ALG8: variants seen among roughly 807,000 people sequenced by gnomAD.
ALG8 encodes the protein ALG8 alpha-1,3-glucosyltransferase.
In ALG8, 48 loss-of-function variants were observed where a neutral mutation model predicts 70.2. The ratio of observed to expected loss-of-function variants is 0.68; its 90% CI spans 0.54 to 0.87. ALG8 has a LOEUF of 0.87. Among genes scored for constraint, ALG8 ranks in the 40% least tolerant of loss-of-function variants. The pLI, the probability that ALG8 is intolerant of heterozygous loss-of-function variation, is 0.00. For synonymous variants in ALG8, 234 were observed against 229.0 expected, an observed-to-expected ratio of 1.02 and a Z score of -0.20; for missense variants, 572 against 608.7, an observed-to-expected ratio of 0.94 and a Z score of 0.64.
rs372467748 is a variant in ALG8 at position 78,107,132 on chromosome 11, A to G, written c.1039-186T>C. Among the ~76,000 whole-genome samples, 11 of 151,354 alleles carry G rather than the reference A, an allele frequency of 7.3e-5. No individual in the cohort carries two copies. The South Asian group carries it at 1.9e-3, about 26-fold the overall frequency. On this transcript the variant is annotated intron_variant, in intron 9 of 12. Transcript: ENST00000299626. ...AAAGTTAACATAAAAGCAACAACTC[A>G]GAAAAAATTGGCATTTGATGTGTAT...
chr11:78,124,250 T>G (rs1860964106), intron 2 of ALG8, 36 bp from the exon 3 acceptor site: 1 of 1,592,726 alleles, frequency 6.3e-7, no homozygotes, highest in East Asian at 2.2e-5. Flanking sequence ...ATATCCTAAA[T>G]AACTGAATAA....
At chr11:78,106,660 T>A in intron 10 of ALG8, 147 bp downstream of exon 10, 1 of 1,032,818 alleles carries the variant, frequency 9.7e-7, no homozygotes, top group Non-Finnish European at 1.5e-6. Context: ...AAGTTAAGCA[T>A]CCCTGTCCTG....
intron 1 of ALG8, chr11:78,138,884 G>A (rs983690777): frequency 1.1e-5 from 5 of 437,306 alleles, no homozygotes; most frequent in Admixed American, 1.0e-4. Context: ...AGCCACAAGG[G>A]GCACTTTCTG....
rs751783361 is a variant in ALG8, at chr11:78,113,961, G to A, written c.702C>T (p.Ser234=). ...PDGSIRWKSF[S]FVRVISLGLV... ...GTCCCAGGGAAATAACACGAACAAA[G>A]CTGAAACTCTTCCATCGAATAGACC... The change falls in exon 7 of 13, where the codon AGC becomes AGT. Residue 234 remains serine (S), a synonymous_variant. Coordinates refer to ENST00000299626, the MANE Select transcript of ALG8 (RefSeq NM_024079.5). 3.7e-6 allele frequency: 6 copies of A among 1,604,238 alleles called. No individual in the cohort carries two copies. Among genetic ancestry groups the A allele is most frequent in the Non-Finnish European group, 5.1e-6 (6 of 1,176,064 alleles).
chr11:78,130,731 G>A (rs1455544539), intron 1 of ALG8, among the ~76,000 whole-genome samples: 3 of 151,968 alleles, frequency 2.0e-5, no homozygotes, highest in African/African-American at 7.2e-5. Context: ...GTCTTCATGA[G>A]GGTCTTTTTT....
At chr11:78,136,927 G>A (rs1408891625) in intron 1 of ALG8, among the ~76,000 whole-genome samples, 2 of 149,760 alleles carry the variant, frequency 1.3e-5, no homozygotes, top group Non-Finnish European at 3.0e-5. Flanking sequence ...TTGAGACAGA[G>A]TTTCACTCTT....
At chr11:78,101,555 G>C (rs539332344) in intron 12 of ALG8, among the ~76,000 whole-genome samples, 15 of 152,202 alleles carry the variant, frequency 9.9e-5, no homozygotes, top group Admixed American at 6.6e-4. Context: ...CTTTAACTGG[G>C]TTGCAGTGAG....
intron 1 of ALG8, among the ~76,000 whole-genome samples, chr11:78,127,707 C>CTTTT (rs1861138948): frequency 7.0e-6 from 1 of 143,318 alleles, no homozygotes; most frequent in Non-Finnish European, 1.5e-5. Context: ...TTCTCTTTTT[C>CTTTT]TTTTCTTTTT....
chr11:78,104,611 G>T, intron 10 of ALG8, 158 bp from the exon 11 acceptor site: 1 of 661,492 alleles, frequency 1.5e-6, no homozygotes, highest in Non-Finnish European at 2.5e-6. Flanking sequence ...TAATTTTTTA[G>T]TAGGAAATTT....
chr11:78,101,486 G>A (rs946497695), intron 12 of ALG8, among the ~76,000 whole-genome samples: 9 of 152,164 alleles, frequency 5.9e-5, no homozygotes, highest in South Asian at 4.1e-4. Context: ...AAAATTAGCC[G>A]ACCAGGGTGG....
At chr11:78,112,465 G>T (rs1860332678) in intron 8 of ALG8, 185 bp downstream of exon 8, 1 of 725,244 alleles carries the variant, frequency 1.4e-6, no homozygotes, top group Non-Finnish European at 2.2e-6. Context: ...AAGGAAAACA[G>T]TCTGTTTACT....
intron 1 of ALG8, among the ~76,000 whole-genome samples, chr11:78,135,762 C>G (rs1029263102): frequency 5.3e-4 from 80 of 151,694 alleles, no homozygotes; most frequent in African/African-American, 1.9e-3. Flanking sequence ...GCAGGAGAAT[C>G]ACTCGAACCC....
intron 1 of ALG8, chr11:78,137,700 C>T (rs1861606830): frequency 6.6e-6 from 1 of 152,208 alleles, no homozygotes. Context: ...AGTCAGAACA[C>T]ACAGCATTTA....
At position 78,114,256 on chromosome 11, in the gene ALG8, C is replaced by T. The variant is rs1565350583; in HGVS notation, c.673+10G>A. ...TCGAAAATGTTTTTGCTATTATTAC[C>T]AAAACTTGCCTGGTTTATTTGCAGT... On this transcript the variant is annotated intron_variant, in intron 6 of 12. Transcript: ENST00000299626. 1 of 1,613,862 alleles carries T rather than the reference C, an allele frequency of 6.2e-7. No homozygotes were observed. Among genetic ancestry groups the T allele is most frequent in the East Asian group, 2.2e-5 (1 of 44,866 alleles).
intron 2 of ALG8, among the ~76,000 whole-genome samples, chr11:78,124,779 A>T (rs1378678553): frequency 6.6e-6 from 1 of 152,196 alleles, no homozygotes; most frequent in Non-Finnish European, 1.5e-5. Context: ...TACATATGAA[A>T]TATATTTATA....
intron 7 of ALG8, among the ~76,000 whole-genome samples, 190 bp from the exon 8 acceptor site, chr11:78,112,960 T>C (rs928938923): frequency 1.3e-5 from 2 of 152,186 alleles, no homozygotes; most frequent in African/African-American, 4.8e-5. Context: ...TTGTCCACTG[T>C]CCAGTGGGAC....
chr11:78,133,566 T>C (rs185896881), intron 1 of ALG8: 250 of 152,206 alleles, frequency 1.6e-3, no homozygotes, highest in African/African-American at 5.8e-3. Context: ...CGCAATAAAG[T>C]GAGTCACATG....
rs369857743 is a variant in ALG8, at chr11:78,125,055, T to TG, written c.175-842dup. ...TTTCTTTTTCTTTTTTTTTTTGAGA[T>TG]GGAGTCTTGCTCTGTCACCCAGGCT... On this transcript the variant is annotated intron_variant, in intron 2 of 12. Transcript: ENST00000299626. 7.5e-3 allele frequency among the ~76,000 whole-genome samples: 1,130 copies of TG among 151,174 alleles called. 6 individuals are homozygous for TG. The highest frequency in any genetic ancestry group is 0.013 in the Non-Finnish European group (878 of 67,816).
At chr11:78,131,608 T>G (rs1176759321) in intron 1 of ALG8, among the ~76,000 whole-genome samples, 1 of 152,098 alleles carries the variant, frequency 6.6e-6, no homozygotes, top group African/African-American at 2.4e-5. Context: ...GTCTCTAAAA[T>G]TTTTGACCAC....
Sources: allele counts gnomAD v4.1 joint callset (sites outside exome capture counted in the v4.1 genomes callset), GRCh38; gene constraint gnomAD v4.1.1; transcripts MANE v1.5; gene names NCBI Gene and HGNC (gene_info 2026-07-23, HGNC 2026-07-21).